Variants in AGBL1 observed in about 807,000 individuals in gnomAD.
The protein encoded by AGBL1 is cytosolic carboxypeptidase 4.
Under a neutral mutation model 118.9 loss-of-function variants are expected in AGBL1, and 130 were observed. That is an observed-to-expected ratio of 1.09 (90% confidence interval 0.95 to 1.26). AGBL1 has a LOEUF of 1.26. Ranked by LOEUF, AGBL1 falls within the 50% of genes most tolerant of loss-of-function variation. AGBL1 has a pLI of 0.00. For synonymous variants in AGBL1, 555 were observed against 478.9 expected (o/e 1.16, Z -2.08); for missense variants, 1,584 against 1,298.1 (o/e 1.22, Z -3.38).
At chr15:86,489,605 A>G (rs2082754449) in intron 18 of AGBL1, among the ~76,000 whole-genome samples, 1 of 152,170 alleles carries the variant, frequency 6.6e-6, no homozygotes, top group Admixed American at 6.5e-5. Flanking sequence ...CCCACGAACC[A>G]AATCTGTCCT....
At chr15:86,291,018 A>T (rs996385686) in intron 16 of AGBL1, among the ~76,000 whole-genome samples, 1 of 152,074 alleles carries the variant, frequency 6.6e-6, no homozygotes, top group South Asian at 2.1e-4. Context: ...AAGGACATGA[A>T]CTCATCATTT....
intron 3 of AGBL1, among the ~76,000 whole-genome samples, chr15:86,151,301 TAAAAA>T: frequency 7.8e-6 from 1 of 128,722 alleles, no homozygotes; most frequent in East Asian, 2.2e-4. Context: ...AAAGTGTAAT[TAAAAA>T]AAAAAAAAAA....
At chr15:86,286,743 A>ATATATATATATATATATATGTATG (rs1597682841) in intron 16 of AGBL1, among the ~76,000 whole-genome samples, 1 of 143,658 alleles carries the variant, frequency 7.0e-6, no homozygotes, top group Admixed American at 6.9e-5. Context: ...GTGTATATAT[A>ATATATATATATATATATATGTATG]TATATAAAAC....
At chr15:86,545,147 C>A (rs2083562237) in intron 19 of AGBL1, among the ~76,000 whole-genome samples, 1 of 152,198 alleles carries the variant, frequency 6.6e-6, no homozygotes, top group Non-Finnish European at 1.5e-5. Context: ...TCCCCTCTAC[C>A]ACAAGAGTAG....
chr15:86,997,164 G>C (rs539951811), intron 24 of AGBL1, among the ~76,000 whole-genome samples: 19 of 152,068 alleles, frequency 1.2e-4, no homozygotes, highest in Admixed American at 2.6e-4. Flanking sequence ...TAAATGATTT[G>C]TATGTGGTCT....
At chr15:86,653,149 A>G (rs911248843) in intron 21 of AGBL1, among the ~76,000 whole-genome samples, 2 of 130,014 alleles carry the variant, frequency 1.5e-5, no homozygotes, top group African/African-American at 5.3e-5. Flanking sequence ...GTCCTTCCAT[A>G]ACCTCCTCAA....
chr15:86,178,639 G>A (rs1899854), intron 5 of AGBL1, among the ~76,000 whole-genome samples: 47,765 of 152,002 alleles, frequency 0.31, 9,117 homozygotes, highest in Non-Finnish European at 0.43. Context: ...GTTCCCTGGC[G>A]AATTCTACCA....
intron 1 of AGBL1, among the ~76,000 whole-genome samples, chr15:86,089,999 G>T (rs760260236): frequency 5.9e-5 from 9 of 152,092 alleles, no homozygotes; most frequent in African/African-American, 9.7e-5. Flanking sequence ...TTTTTGTCAG[G>T]AACCCCTCAC....
intron 22 of AGBL1, among the ~76,000 whole-genome samples, chr15:86,703,918 C>T (rs2086403144): frequency 6.6e-6 from 1 of 152,040 alleles, no homozygotes; most frequent in Admixed American, 6.6e-5. Flanking sequence ...ACCAAAATAC[C>T]ATGGTACTGG....
intron 6 of AGBL1, among the ~76,000 whole-genome samples, chr15:86,231,502 A>G (rs556832895): frequency 2.0e-5 from 3 of 152,346 alleles, no homozygotes; most frequent in African/African-American, 7.2e-5. Flanking sequence ...CATTTGTTAC[A>G]CTGGGATGGA....
chr15:86,729,882 C>A (rs938717124), intron 22 of AGBL1, among the ~76,000 whole-genome samples: 2 of 152,174 alleles, frequency 1.3e-5, no homozygotes, highest in African/African-American at 4.8e-5. Flanking sequence ...AATTTACATT[C>A]CCACCGGCAG....
At chr15:86,276,432 A>G (rs1186175185) in intron 15 of AGBL1, among the ~76,000 whole-genome samples, 1 of 152,186 alleles carries the variant, frequency 6.6e-6, no homozygotes, top group Non-Finnish European at 1.5e-5. Context: ...GTGTAATAAT[A>G]CTCACCTTGA....
At chr15:86,190,998 A>G (rs547977900) in intron 5 of AGBL1, among the ~76,000 whole-genome samples, 7 of 152,292 alleles carry the variant, frequency 4.6e-5, no homozygotes, top group African/African-American at 1.7e-4. Context: ...AAAGGGTAGG[A>G]TGCCAAAACA....
In AGBL1 at chr15:86,848,689, T is replaced by A. The variant is rs908765757; in HGVS notation, c.3159-58398T>A. ...ATGAGAGTTGAGCCTTTTAATAGATTTTGTTTGGGCTCTGGCTGATGATCC... is the reference window on the plus strand; with the variant it reads ...ATGAGAGTTGAGCCTTTTAATAGATATTGTTTGGGCTCTGGCTGATGATCC... On this transcript the variant is annotated intron_variant, in intron 22 of 22. Coordinates refer to ENST00000614907, the MANE Select transcript of AGBL1 (RefSeq NM_001386094.1). Among the ~76,000 whole-genome samples, 125 of 152,268 alleles carry A rather than the reference T, an allele frequency of 8.2e-4. 1 individual carries two copies. The highest frequency in any genetic ancestry group is 2.9e-3 in the African/African-American group (120 of 41,532).
At chr15:86,749,769 A>C (rs985825779) in intron 22 of AGBL1, among the ~76,000 whole-genome samples, 2 of 152,120 alleles carry the variant, frequency 1.3e-5, no homozygotes, top group Non-Finnish European at 2.9e-5. Context: ...TGAGATAATC[A>C]TGTGGTTTTT....
At chr15:86,719,332 C>T (rs183469212) in intron 22 of AGBL1, among the ~76,000 whole-genome samples, 79 of 152,220 alleles carry the variant, frequency 5.2e-4, no homozygotes, top group African/African-American at 1.8e-3. Flanking sequence ...CTCCAAGCAC[C>T]TTACATACAA....
intron 22 of AGBL1, among the ~76,000 whole-genome samples, chr15:86,905,831 T>G (rs2080273887): frequency 6.6e-6 from 1 of 152,202 alleles, no homozygotes; most frequent in Admixed American, 6.5e-5. Flanking sequence ...AGCTCTTGCC[T>G]TCCTTTACTC....
chr15:86,139,777 T>TTTTA (rs1555434420), intron 1 of AGBL1: 1 of 146,318 alleles, frequency 6.8e-6, no homozygotes, highest in East Asian at 2.0e-4. Flanking sequence ...TTTTTTTTTT[T>TTTTA]AAAAACCAGG....
chr15:86,475,712 A>T (rs2082548502), intron 18 of AGBL1, among the ~76,000 whole-genome samples: 1 of 152,202 alleles, frequency 6.6e-6, no homozygotes, highest in Admixed American at 6.5e-5. Context: ...CAAATTCAGG[A>T]AATACAGAGA....
Sources: gnomAD v4.1 joint callset for allele counts (sites outside exome capture counted in the v4.1 genomes callset) on GRCh38, gnomAD v4.1.1 for gene constraint, MANE v1.5 for transcripts, NCBI Gene and HGNC (gene_info 2026-07-23, HGNC 2026-07-21) for gene names.